SMARCC1: variants seen among roughly 807,000 people sequenced by gnomAD.
SMARCC1 encodes the protein SWI/SNF related BAF chromatin remodeling complex subunit C1, also known as SWI/SNF complex subunit SMARCC1.
In SMARCC1, 43 loss-of-function variants were observed where a neutral mutation model predicts 147.4. The observed-to-expected ratio is 0.29, with a 90% CI of 0.23 to 0.38. SMARCC1 has a LOEUF of 0.38. SMARCC1 is among the 10% of genes least tolerant of loss of function. The probability of loss-of-function intolerance (pLI) is 1.00; values close to 1 mark genes in which losing one functional copy is unlikely to be tolerated. For missense variants in SMARCC1, 1,119 were observed against 1,381.1 expected (o/e 0.81, Z 3.01); for synonymous variants, 495 against 484.4 (o/e 1.02, Z -0.29).
At chr3:47,742,121 C>G (rs1427546925) in intron 3 of SMARCC1, among the ~76,000 whole-genome samples, 4 of 152,060 alleles carry the variant, frequency 2.6e-5, no homozygotes, top group Admixed American at 2.6e-4. Flanking sequence ...GCCACCACAC[C>G]AGCCTAATGA....
chr3:47,753,754 T>C (rs1576431641), intron 2 of SMARCC1, among the ~76,000 whole-genome samples: 1 of 145,378 alleles, frequency 6.9e-6, no homozygotes, highest in South Asian at 2.2e-4. Context: ...TGCTAACAAT[T>C]GGTAAAAAGA....
intron 2 of SMARCC1, among the ~76,000 whole-genome samples, chr3:47,747,550 T>C (rs960029135): frequency 1.4e-5 from 2 of 146,930 alleles, no homozygotes; most frequent in Admixed American, 1.4e-4. Flanking sequence ...GGTAGGAGGA[T>C]TGCATGAGCA....
rs1330957711 is a variant in SMARCC1 at position 47,590,064 on chromosome 3, G to A, written c.3220+597C>T. On this transcript the variant is annotated intron_variant, in intron 27 of 27. Coordinates refer to ENST00000254480, the MANE Select transcript of SMARCC1 (RefSeq NM_003074.4). ...AGGCTGAAGCCGAGCAAGAGCCTATGGGAGAAATGACCTGGTCTCTAAACA... is the reference window on the plus strand; with the variant it reads ...AGGCTGAAGCCGAGCAAGAGCCTATAGGAGAAATGACCTGGTCTCTAAACA... Among the ~76,000 whole-genome samples, 5 of 152,156 alleles carry A rather than the reference G, an allele frequency of 3.3e-5. No homozygotes were observed. The South Asian group carries it at 8.3e-4, about 25-fold the overall frequency.
intron 2 of SMARCC1, among the ~76,000 whole-genome samples, chr3:47,768,023 T>C (rs1174743418): frequency 1.3e-5 from 2 of 151,998 alleles, no homozygotes; most frequent in African/African-American, 2.4e-5. Context: ...TTGTATTTCT[T>C]TGTAGAGACG....
intron 18 of SMARCC1, among the ~76,000 whole-genome samples, chr3:47,671,196 A>AAAAACAAAAAAC (rs753672169): frequency 1.2e-5 from 1 of 81,144 alleles, no homozygotes; most frequent in Non-Finnish European, 2.4e-5. Context: ...AAAAAAAAAA[A>AAAAACAAAAAAC]AACACACACA....
intron 9 of SMARCC1, among the ~76,000 whole-genome samples, chr3:47,706,779 C>T (rs983598421): frequency 3.3e-5 from 5 of 152,152 alleles, no homozygotes; most frequent in African/African-American, 1.2e-4. Flanking sequence ...AACAGACATG[C>T]TGAAACCCTG....
At chr3:47,652,012 T>G (rs2033196405) in intron 21 of SMARCC1, among the ~76,000 whole-genome samples, 2 of 152,224 alleles carry the variant, frequency 1.3e-5, no homozygotes, top group Non-Finnish European at 2.9e-5. Flanking sequence ...TGGTCTCGCT[T>G]AGTCACCTAG....
chr3:47,696,075 AAAGGG>A (rs2033847755), intron 11 of SMARCC1, among the ~76,000 whole-genome samples: 1 of 59,686 alleles, frequency 1.7e-5, no homozygotes. Context: ...TCAAAAAAAA[AAAGGG>A]GGGGGGGGGG....
chr3:47,653,018 G>A (rs908570250), intron 21 of SMARCC1, among the ~76,000 whole-genome samples: 4 of 149,598 alleles, frequency 2.7e-5, no homozygotes, highest in African/African-American at 4.9e-5. Context: ...CTGCAGTGGC[G>A]CAATCTCGGC....
At chr3:47,690,643 T>C (rs2033779177) in intron 12 of SMARCC1, among the ~76,000 whole-genome samples, 1 of 152,112 alleles carries the variant, frequency 6.6e-6, no homozygotes, top group African/African-American at 2.4e-5. Flanking sequence ...CTGCAAAATA[T>C]TTGGAAAGAG....
intron 12 of SMARCC1, among the ~76,000 whole-genome samples, chr3:47,689,992 G>A (rs1050107606): frequency 6.6e-6 from 1 of 152,166 alleles, no homozygotes; most frequent in Non-Finnish European, 1.5e-5. Flanking sequence ...ATTATTATAT[G>A]CCTGTAATAT....
In SMARCC1 at chr3:47,750,040, C is replaced by T. The variant is rs2034612018; in HGVS notation, c.316-4047G>A. Among the ~76,000 whole-genome samples the T allele has an allele frequency of 7.9e-5, 12 of 151,514 alleles. No individual in the cohort carries two copies. In the South Asian group the frequency reaches 2.3e-3, roughly 29 times the overall value. On this transcript the variant is annotated intron_variant, in intron 2 of 27. Coordinates refer to ENST00000254480, the MANE Select transcript of SMARCC1 (RefSeq NM_003074.4). The stretch of plus-strand genomic sequence containing the variant: ...GAGCTTGCAGTGAGCCAAGATGGTG[C>T]CACTGCACTCCAGCCTGGGTGACAG...
Position 47,590,509 on chromosome 3 carries a change from A to G in SMARCC1, c.3220+152T>C, listed in dbSNP as rs115592215. 1.5e-3 allele frequency: 866 copies of G among 583,908 alleles called. 6 individuals carry two copies. Among genetic ancestry groups the G allele is most frequent in the African/African-American group, 0.013 (680 of 51,004 alleles). 36.2% of individuals were successfully genotyped at this position (583,908 alleles called of 1,614,324 possible). A position where few individuals can be genotyped will look rare whatever the true frequency, so the allele number is the denominator to read the frequency against. On this transcript the variant is annotated intron_variant, in intron 27 of 27. Coordinates refer to ENST00000254480, the MANE Select transcript of SMARCC1 (RefSeq NM_003074.4). ...GTCCATCAGGGGTGCTGAAGAACAC[A>G]GACTGAAAACTGGTCTTTGAGAAGC...
chr3:47,671,186 A>AAACAAAAAAAAAC (rs2033494136), intron 18 of SMARCC1, among the ~76,000 whole-genome samples: 1 of 146,062 alleles, frequency 6.8e-6, no homozygotes, highest in African/African-American at 2.5e-5. Flanking sequence ...AAAAAAAAAA[A>AAACAAAAAAAAAC]AAAAAAAAAA....
At chr3:47,679,861 CAA>C (rs35582823) in intron 15 of SMARCC1, among the ~76,000 whole-genome samples, 13 of 78,500 alleles carry the variant, frequency 1.7e-4, no homozygotes, top group Non-Finnish European at 1.5e-4. Context: ...GACTCCATCT[CAA>C]AAAAAAAAAA....
chr3:47,775,289 T>C (rs2034961372), intron 1 of SMARCC1, among the ~76,000 whole-genome samples: 1 of 150,476 alleles, frequency 6.6e-6, no homozygotes, highest in South Asian at 2.1e-4. Context: ...GCCTCCCGAG[T>C]AGCTGGGACT....
chr3:47,741,296 G>C (rs1441045708), intron 3 of SMARCC1, among the ~76,000 whole-genome samples: 1 of 150,992 alleles, frequency 6.6e-6, no homozygotes, highest in Non-Finnish European at 1.5e-5. Flanking sequence ...CACCTTGTTT[G>C]AATATTAATT....
intron 25 of SMARCC1, among the ~76,000 whole-genome samples, chr3:47,611,330 C>G (rs572182132): frequency 6.6e-6 from 1 of 152,300 alleles, no homozygotes; most frequent in Admixed American, 6.5e-5. Context: ...AGAAGCCACA[C>G]ACAGCTACTG....
intron 21 of SMARCC1, among the ~76,000 whole-genome samples, chr3:47,651,766 A>G (rs942718763): frequency 1.3e-5 from 2 of 152,232 alleles, no homozygotes; most frequent in African/African-American, 4.8e-5. Context: ...TACTTATTTG[A>G]TTAGATTGCT....
Sources: gnomAD v4.1 joint callset for allele counts (sites outside exome capture counted in the v4.1 genomes callset) on GRCh38, gnomAD v4.1.1 for gene constraint, MANE v1.5 for transcripts, NCBI Gene and HGNC (gene_info 2026-07-23, HGNC 2026-07-21) for gene names.